Variants in SV2C observed in about 807,000 individuals in gnomAD.
The protein encoded by SV2C is solute carrier family 22 member B3.
Under a neutral mutation model 79.7 loss-of-function variants are expected in SV2C, and 49 were observed. That is an observed-to-expected ratio of 0.61 (90% CI 0.49 to 0.78). The LOEUF (loss-of-function observed/expected upper bound fraction) is 0.78. Ranked by LOEUF, SV2C falls within the 30% of genes least tolerant of loss-of-function variation. The pLI, the probability that SV2C is intolerant of heterozygous loss-of-function variation, is 0.00. For missense variants in SV2C, 833 were observed against 912.9 expected, an observed-to-expected ratio of 0.91 and a Z score of 1.13; for synonymous variants, 334 against 333.2, an observed-to-expected ratio of 1.00 and a Z score of -0.03.
intron 12 of SV2C, among the ~76,000 whole-genome samples, chr5:76,313,221 A>G (rs1032492480): frequency 1.3e-5 from 2 of 152,232 alleles, no homozygotes; most frequent in African/African-American, 4.8e-5. Context: ...TAATATAAAG[A>G]TAAATATCTC....
At chr5:76,046,362 G>A in the SV2C span, among the ~76,000 whole-genome samples, 1 of 152,164 alleles carries the variant, frequency 6.6e-6, no homozygotes, top group Admixed American at 6.5e-5. Flanking sequence ...AGAAAGCAGT[G>A]AATTCTGAAG....
chr5:75,944,093 C>T, the SV2C span, among the ~76,000 whole-genome samples: 7 of 152,272 alleles, frequency 4.6e-5, no homozygotes, highest in African/African-American at 1.7e-4. Flanking sequence ...CCATAGCTCA[C>T]TATAACCTCA....
upstream of SV2C, chr5:76,083,369 C>A (rs987748193): frequency 3.3e-5 from 5 of 152,322 alleles, no homozygotes; most frequent in Non-Finnish European, 7.3e-5. Flanking sequence ...GCCGCTGACA[C>A]GCTCAGAGGA....
At chr5:75,986,205 C>T in the SV2C span, among the ~76,000 whole-genome samples, 1 of 151,388 alleles carries the variant, frequency 6.6e-6, no homozygotes, top group African/African-American at 2.4e-5. Flanking sequence ...GCTAAAGGAA[C>T]TTTGCATATA....
At chr5:75,933,915 C>T in the SV2C span, among the ~76,000 whole-genome samples, 5 of 152,214 alleles carry the variant, frequency 3.3e-5, no homozygotes, top group African/African-American at 1.2e-4. Flanking sequence ...GATACCCTCT[C>T]ACTGTAGGGC....
chr5:76,227,536 T>C (rs1745290326), intron 4 of SV2C, among the ~76,000 whole-genome samples: 1 of 152,180 alleles, frequency 6.6e-6, no homozygotes, highest in African/African-American at 2.4e-5. Flanking sequence ...AATAAAATAA[T>C]AAATATGTTT....
chr5:75,967,178 A>G, the SV2C span, among the ~76,000 whole-genome samples: 1 of 152,092 alleles, frequency 6.6e-6, no homozygotes, highest in Non-Finnish European at 1.5e-5. Flanking sequence ...TACCAAAAAA[A>G]CTTTAAAAAT....
chr5:75,984,694 G>A, the SV2C span, among the ~76,000 whole-genome samples: 2 of 151,920 alleles, frequency 1.3e-5, no homozygotes, highest in African/African-American at 4.8e-5. Context: ...ATTGGCTTAT[G>A]TGATTGTGAG....
intron 2 of SV2C, among the ~76,000 whole-genome samples, chr5:76,182,929 G>A (rs1037076308): frequency 8.3e-6 from 1 of 120,650 alleles, no homozygotes; most frequent in African/African-American, 3.7e-5. Flanking sequence ...GTGTGTGTGT[G>A]TGTGTGTATG....
At chr5:75,952,247 T>TTTCCTTCCTACCTTCCTTCCTTCC in the SV2C span, among the ~76,000 whole-genome samples, 2 of 144,248 alleles carry the variant, frequency 1.4e-5, no homozygotes, top group African/African-American at 5.2e-5. Flanking sequence ...TCTCCTGCAT[T>TTTCCTTCCTACCTTCCTTCCTTCC]TTCCTTCCTT....
the SV2C span, among the ~76,000 whole-genome samples, chr5:76,064,393 A>C: frequency 6.6e-6 from 1 of 152,298 alleles, no homozygotes; most frequent in Admixed American, 6.5e-5. Flanking sequence ...GCAAACAAAC[A>C]AGCAAAAGCA....
intron 12 of SV2C, among the ~76,000 whole-genome samples, chr5:76,316,387 A>G (rs78485801): frequency 0.021 from 3,158 of 152,296 alleles, 123 homozygotes; most frequent in African/African-American, 0.07. Flanking sequence ...TTGGGCCCCA[A>G]TAAAGCAATA....
the SV2C span, among the ~76,000 whole-genome samples, chr5:75,957,877 G>C: frequency 6.6e-6 from 1 of 151,968 alleles, no homozygotes; most frequent in African/African-American, 2.4e-5. Flanking sequence ...ACAAGTCATT[G>C]TATCTTTCAT....
At chr5:76,233,893 A>G (rs906691304) in intron 4 of SV2C, among the ~76,000 whole-genome samples, 1 of 152,058 alleles carries the variant, frequency 6.6e-6, no homozygotes, top group African/African-American at 2.4e-5. Flanking sequence ...ATATTGGTCT[A>G]AAATTCTCTT....
At chr5:76,223,491 ATATATGTATATG>A (rs1484994684) in intron 4 of SV2C, among the ~76,000 whole-genome samples, 3 of 37,502 alleles carry the variant, frequency 8.0e-5, no homozygotes, top group African/African-American at 2.9e-4. Context: ...ATATATATAT[ATATATGTATATG>A]TATATAAAGA....
chr5:76,105,712 C>T (rs1747887401), intron 1 of SV2C, among the ~76,000 whole-genome samples: 1 of 152,168 alleles, frequency 6.6e-6, no homozygotes, highest in Non-Finnish European at 1.5e-5. Flanking sequence ...CGTTCAGTCT[C>T]CCAGCTGGAT....
chr5:76,242,137 T>A, intron 4 of SV2C: 1 of 1,392,260 alleles, frequency 7.2e-7, no homozygotes, highest in South Asian at 1.2e-5. Context: ...TTTTTCCCTT[T>A]GGGTACCTTC....
At chr5:75,946,097 A>G in the SV2C span, among the ~76,000 whole-genome samples, 24 of 152,112 alleles carry the variant, frequency 1.6e-4, no homozygotes, top group Non-Finnish European at 2.9e-4. Flanking sequence ...AATAAAATCA[A>G]TGAAACTAAA....
At chr5:76,022,358 G>A in the SV2C span, among the ~76,000 whole-genome samples, 4,103 of 152,278 alleles carry the variant, frequency 0.027, 82 homozygotes, top group Non-Finnish European at 0.038. Flanking sequence ...ATGCTGCTCC[G>A]TATTTTCTTT....
Sources: allele counts gnomAD v4.1 joint callset (sites outside exome capture counted in the v4.1 genomes callset), GRCh38; gene constraint gnomAD v4.1.1; transcripts MANE v1.5; gene names NCBI Gene and HGNC (gene_info 2026-07-23, HGNC 2026-07-21).